Variants in KLF8 observed in about 807,000 individuals in gnomAD.
KLF8 encodes Krueppel-like factor 8.
A neutral mutation model predicts 18.2 loss-of-function variants in KLF8; 10 were observed. That is an observed-to-expected ratio of 0.55 (90% CI 0.34 to 0.93). KLF8 has a LOEUF of 0.93. Among genes scored for constraint, KLF8 ranks in the 40% least tolerant of loss-of-function variants. The probability of loss-of-function intolerance (pLI) is 0.02; values close to 1 mark genes in which losing one functional copy is unlikely to be tolerated. For missense variants in KLF8, 264 were observed against 277.9 expected, an observed-to-expected ratio of 0.95 and a Z score of 0.36; for synonymous variants, 109 against 97.3, an observed-to-expected ratio of 1.12 and a Z score of -0.71.
chrX:56,235,191 T>C (rs922393057), intron 1 of KLF8, among the ~76,000 whole-genome samples: 3 of 109,945 alleles, frequency 2.7e-5, no homozygotes, highest in African/African-American at 9.9e-5. Flanking sequence ...AGATTGTCTG[T>C]GCCTGGTGCG....
chrX:56,028,763 G>C, the KLF8 span, among the ~76,000 whole-genome samples: 1 of 111,049 alleles, frequency 9.0e-6, no homozygotes, highest in East Asian at 2.8e-4. Flanking sequence ...AACAGTTTTT[G>C]GTTCTCAGGA....
the KLF8 span, among the ~76,000 whole-genome samples, chrX:56,035,763 T>C: frequency 1.8e-5 from 2 of 112,240 alleles, no homozygotes; most frequent in Non-Finnish European, 3.8e-5. Flanking sequence ...ATATGTCTTC[T>C]TTTGAGAAAT....
At chrX:56,069,718 C>T in the KLF8 span, among the ~76,000 whole-genome samples, 11 of 112,113 alleles carry the variant, frequency 9.8e-5, no homozygotes, top group Non-Finnish European at 1.5e-4. Context: ...GCCACATCCC[C>T]TAGAGCTTCC....
At chrX:55,958,869 G>T in the KLF8 span, among the ~76,000 whole-genome samples, 1 of 112,308 alleles carries the variant, frequency 8.9e-6, no homozygotes, top group Admixed American at 9.4e-5. Context: ...CATGCATCAG[G>T]CAGACCTGCA....
At chrX:55,923,081 G>A in the KLF8 span, among the ~76,000 whole-genome samples, 1 of 111,089 alleles carries the variant, frequency 9.0e-6, no homozygotes, top group Non-Finnish European at 1.9e-5. Flanking sequence ...CAACCCAAAT[G>A]CCCATCAATG....
At chrX:56,220,644 C>T in the KLF8 span, among the ~76,000 whole-genome samples, 28 of 111,150 alleles carry the variant, frequency 2.5e-4, no homozygotes, top group African/African-American at 8.5e-4. Flanking sequence ...CGCCACCACA[C>T]CCAGCTAATT....
intron 3 of KLF8, chrX:56,268,874 T>A: frequency 1.1e-6 from 1 of 909,226 alleles, no homozygotes; most frequent in South Asian, 2.6e-5. Context: ...TACTAGGTGG[T>A]AGGTATACGT....
the KLF8 span, among the ~76,000 whole-genome samples, chrX:55,921,910 A>G: frequency 8.9e-6 from 1 of 112,491 alleles, no homozygotes; most frequent in African/African-American, 3.2e-5. Flanking sequence ...CAAAATCACA[A>G]TGAGATAACA....
At chrX:56,178,775 T>C in the KLF8 span, among the ~76,000 whole-genome samples, 1 of 112,103 alleles carries the variant, frequency 8.9e-6, no homozygotes, top group Non-Finnish European at 1.9e-5. Context: ...GTCAGGTTTG[T>C]CAAAGATCAG....
chrX:56,076,804 T>A, the KLF8 span, among the ~76,000 whole-genome samples: 9 of 111,798 alleles, frequency 8.1e-5, no homozygotes, highest in Non-Finnish European at 1.5e-4. Context: ...CAGCACATGT[T>A]GTTTCCTGAT....
At chrX:56,140,989 G>A in the KLF8 span, among the ~76,000 whole-genome samples, 150 of 110,824 alleles carry the variant, frequency 1.4e-3, no homozygotes, top group Non-Finnish European at 2.0e-3. Flanking sequence ...TTTGTTTTTT[G>A]TAGTTTTTTT....
intron 4 of KLF8, 54 bp from the exon 5 acceptor site, chrX:56,270,128 T>A (rs2067032027): frequency 7.1e-6 from 8 of 1,124,664 alleles, no homozygotes; most frequent in Non-Finnish European, 9.5e-6. Context: ...AATTCATTTT[T>A]TTAGCCTTCA....
At chrX:56,114,330 C>T in the KLF8 span, among the ~76,000 whole-genome samples, 2 of 112,708 alleles carry the variant, frequency 1.8e-5, no homozygotes, top group African/African-American at 6.4e-5. Flanking sequence ...TGTTAGCGGC[C>T]GCCAAGTGTC....
chrX:56,243,516 T>C (rs1282407486), intron 1 of KLF8: 2 of 115,775 alleles, frequency 1.7e-5, no homozygotes, highest in Non-Finnish European at 3.4e-5. Context: ...TTTGTGTATG[T>C]TGAAACTCTT....
chrX:56,020,699 G>A, the KLF8 span, among the ~76,000 whole-genome samples: 4 of 111,381 alleles, frequency 3.6e-5, no homozygotes, highest in East Asian at 8.4e-4. Flanking sequence ...TTAGATAGAC[G>A]GCCTATTGTA....
the KLF8 span, among the ~76,000 whole-genome samples, chrX:56,133,566 A>G: frequency 3.6e-5 from 4 of 111,682 alleles, no homozygotes; most frequent in African/African-American, 9.8e-5. Flanking sequence ...TAATACTGCA[A>G]GGGGAAAAGT....
chrX:56,063,542 C>A, the KLF8 span, among the ~76,000 whole-genome samples: 1 of 111,575 alleles, frequency 9.0e-6, no homozygotes, highest in Admixed American at 9.5e-5. Context: ...GAAGCTTTGT[C>A]CCAGAGGGGC....
chrX:56,102,848 C>T, the KLF8 span, among the ~76,000 whole-genome samples: 1 of 109,330 alleles, frequency 9.1e-6, no homozygotes. Flanking sequence ...GTGTGCTACA[C>T]CCATTAACTC....
the KLF8 span, among the ~76,000 whole-genome samples, chrX:55,968,759 C>T: frequency 5.4e-5 from 6 of 111,766 alleles, no homozygotes; most frequent in African/African-American, 1.9e-4. Flanking sequence ...GTGAGGCCTC[C>T]CCAGCTATGT....
Sources: gnomAD v4.1 joint callset for allele counts (sites outside exome capture counted in the v4.1 genomes callset) on GRCh38, gnomAD v4.1.1 for gene constraint, MANE v1.5 for transcripts, NCBI Gene and HGNC (gene_info 2026-07-23, HGNC 2026-07-21) for gene names.